Variants in ERBB4 observed in about 807,000 individuals in gnomAD.
The protein encoded by ERBB4 is receptor tyrosine-protein kinase erbB-4.
A neutral mutation model predicts 158.0 loss-of-function variants in ERBB4; 42 were observed. That is an observed-to-expected ratio of 0.27 (90% confidence interval 0.21 to 0.34). The LOEUF is 0.34. ERBB4 is among the 10% of genes least tolerant of loss of function. The pLI is 1.00. For missense variants in ERBB4, 1,333 were observed against 1,624.1 expected, an observed-to-expected ratio of 0.82 and a Z score of 3.08; for synonymous variants, 583 against 558.7, an observed-to-expected ratio of 1.04 and a Z score of -0.61.
At chr2:211,883,821 C>G (rs926885872) in intron 3 of ERBB4, among the ~76,000 whole-genome samples, 2 of 152,042 alleles carry the variant, frequency 1.3e-5, no homozygotes, top group African/African-American at 4.8e-5. Flanking sequence ...AAATACGTTA[C>G]TCTTTGAAAA....
intron 1 of ERBB4, among the ~76,000 whole-genome samples, chr2:212,190,924 A>G (rs2082169782): frequency 6.6e-6 from 1 of 152,142 alleles, no homozygotes; most frequent in Non-Finnish European, 1.5e-5. Flanking sequence ...ACAAACACAT[A>G]TAATATCCTA....
At chr2:211,808,778 T>C (rs1024199496) in intron 3 of ERBB4, among the ~76,000 whole-genome samples, 4 of 152,210 alleles carry the variant, frequency 2.6e-5, no homozygotes, top group Admixed American at 1.3e-4. Context: ...TGTTCTTCCA[T>C]TTGTTTGTAT....
chr2:212,419,830 A>G (rs1382548663), intron 1 of ERBB4, among the ~76,000 whole-genome samples: 7 of 152,040 alleles, frequency 4.6e-5, no homozygotes, highest in African/African-American at 1.4e-4. Context: ...AATATTTTTT[A>G]TGTCTGAGAT....
chr2:212,153,412 T>G (rs1238055819), intron 1 of ERBB4, among the ~76,000 whole-genome samples: 1 of 152,146 alleles, frequency 6.6e-6, no homozygotes, highest in Non-Finnish European at 1.5e-5. Context: ...CATCCTTCAG[T>G]GGCTACTTAC....
chr2:212,193,324 G>A (rs2082330181), intron 1 of ERBB4, among the ~76,000 whole-genome samples: 1 of 152,098 alleles, frequency 6.6e-6, no homozygotes, highest in Non-Finnish European at 1.5e-5. Flanking sequence ...AGGCTCAAGT[G>A]ATGCCATCTG....
At chr2:212,410,309 AATAAT>A (rs769412456) in intron 1 of ERBB4, among the ~76,000 whole-genome samples, 5 of 151,980 alleles carry the variant, frequency 3.3e-5, no homozygotes, top group African/African-American at 9.7e-5. Context: ...TAGTGCACAA[AATAAT>A]ATAAGTGAAA....
intron 1 of ERBB4, among the ~76,000 whole-genome samples, chr2:212,479,347 T>C (rs1178472467): frequency 6.6e-6 from 1 of 152,120 alleles, no homozygotes; most frequent in Non-Finnish European, 1.5e-5. Context: ...ACCCAGGCTA[T>C]GACCAGGGCA....
chr2:211,633,515 G>C (rs529124564), intron 16 of ERBB4, among the ~76,000 whole-genome samples: 3 of 114,100 alleles, frequency 2.6e-5, no homozygotes, highest in African/African-American at 9.2e-5. Context: ...ATTCACTAGG[G>C]TTTTTCTCTC....
intron 1 of ERBB4, among the ~76,000 whole-genome samples, chr2:212,507,293 C>T (rs1026371966): frequency 6.6e-6 from 1 of 151,848 alleles, no homozygotes; most frequent in Non-Finnish European, 1.5e-5. Flanking sequence ...TGGAGATCTA[C>T]AAGGAGAATA....
At chr2:212,247,780 A>G (rs868423422) in intron 1 of ERBB4, among the ~76,000 whole-genome samples, 1 of 152,132 alleles carries the variant, frequency 6.6e-6, no homozygotes, top group African/African-American at 2.4e-5. Context: ...CCTGGGCAAC[A>G]TGGTGAAACC....
chr2:211,441,327 T>C (rs2063970295), intron 20 of ERBB4, among the ~76,000 whole-genome samples: 1 of 152,164 alleles, frequency 6.6e-6, no homozygotes, highest in Non-Finnish European at 1.5e-5. Context: ...GTGAATCATC[T>C]ATCTTTAATT....
chr2:211,921,698 T>C (rs2079862262), intron 3 of ERBB4, among the ~76,000 whole-genome samples: 1 of 152,008 alleles, frequency 6.6e-6, no homozygotes, highest in South Asian at 2.1e-4. Context: ...TTATTTTACA[T>C]AGGATTGTCA....
At chr2:211,754,068 G>T (rs962485116) in intron 4 of ERBB4, among the ~76,000 whole-genome samples, 6 of 151,864 alleles carry the variant, frequency 4.0e-5, no homozygotes, top group Non-Finnish European at 8.8e-5. Flanking sequence ...CACTGTGTTA[G>T]CCAGGATGGT....
rs530006881 is a variant in ERBB4, at chr2:211,907,414, C to T, written c.421+40016G>A. 1.4e-4 allele frequency among the ~76,000 whole-genome samples: 21 copies of T among 150,488 alleles called. No homozygotes were observed. In the South Asian group the frequency reaches 4.0e-3, roughly 29 times the overall value. On this transcript the variant is annotated intron_variant, in intron 3 of 27. Transcript: ENST00000342788. ...TAGGCACTGAAAAGCATGGCTTTTGCCTTTTTTTTTTTTCCTTTGGTTACT... is the reference window on the plus strand; with the variant it reads ...TAGGCACTGAAAAGCATGGCTTTTGTCTTTTTTTTTTTTCCTTTGGTTACT...
intron 1 of ERBB4, among the ~76,000 whole-genome samples, chr2:212,290,684 G>T (rs899308717): frequency 8.5e-5 from 13 of 152,062 alleles, no homozygotes; most frequent in African/African-American, 3.1e-4. Flanking sequence ...GTGTGTGCGT[G>T]TGTGCACGTA....
intron 20 of ERBB4, among the ~76,000 whole-genome samples, chr2:211,474,309 C>T (rs2064901690): frequency 6.6e-6 from 1 of 151,948 alleles, no homozygotes; most frequent in Admixed American, 6.6e-5. Context: ...ATGTTCTAAA[C>T]ATTTCTCCAA....
intron 1 of ERBB4, among the ~76,000 whole-genome samples, chr2:212,149,704 T>A (rs1204823777): frequency 6.6e-6 from 1 of 152,212 alleles, no homozygotes; most frequent in East Asian, 1.9e-4. Context: ...TCTTTCTTTT[T>A]TCATCCTCAA....
At chr2:211,450,021 T>C (rs972584778) in intron 20 of ERBB4, among the ~76,000 whole-genome samples, 7 of 152,206 alleles carry the variant, frequency 4.6e-5, no homozygotes, top group African/African-American at 1.7e-4. Context: ...ATTATTTCCA[T>C]TTTACAAATA....
intron 1 of ERBB4, among the ~76,000 whole-genome samples, chr2:212,258,636 TATATA>T (rs2084827235): frequency 6.7e-6 from 1 of 148,284 alleles, no homozygotes. Flanking sequence ...TATATAATAA[TATATA>T]ATATGTTTTT....
Sources: gnomAD v4.1 joint callset for allele counts (sites outside exome capture counted in the v4.1 genomes callset) on GRCh38, gnomAD v4.1.1 for gene constraint, MANE v1.5 for transcripts, NCBI Gene and HGNC (gene_info 2026-07-23, HGNC 2026-07-21) for gene names.